P4HTM: variants seen among roughly 807,000 people sequenced by gnomAD.
The protein encoded by P4HTM is prolyl 4-hydroxylase, transmembrane, also known as transmembrane prolyl 4-hydroxylase.
A neutral mutation model predicts 55.3 loss-of-function variants in P4HTM; 33 were observed. The ratio of observed to expected loss-of-function variants is 0.60; its 90% CI spans 0.45 to 0.80. The LOEUF (loss-of-function observed/expected upper bound fraction) is 0.80, where lower values mean the gene tolerates loss of function less well. Ranked by LOEUF, P4HTM falls within the 30% of genes least tolerant of loss-of-function variation. The pLI is 0.00. For missense variants in P4HTM, 542 were observed against 696.5 expected, an observed-to-expected ratio of 0.78 and a Z score of 2.50; for synonymous variants, 272 against 286.4, an observed-to-expected ratio of 0.95 and a Z score of 0.51.
Position 49,001,442 on chromosome 3 carries a change from C to T in P4HTM, c.441C>T (p.Ile147=), listed in dbSNP as rs1332340089. The change falls in exon 3 of 9, where the codon ATC becomes ATT. Residue 147 remains isoleucine (I), a synonymous_variant. Transcript: ENST00000383729. The part of the protein sequence containing the change: ...TLSLKPLLFE[I]PGFLTDEECR... ...ACCCACCTCCTCTTCTGGCAGAAAT[C>T]CCCGGCTTCCTGACTGATGAAGAGT... is the stretch of plus-strand genomic sequence containing the variant. 6.2e-7 allele frequency: 1 copy of T among 1,613,652 alleles called. No homozygotes were observed. The highest frequency in any genetic ancestry group is 8.5e-7 in the Non-Finnish European group (1 of 1,180,030).
At chr3:48,994,781 T>TTTTTGTTTTG (rs200509192) in intron 2 of P4HTM, among the ~76,000 whole-genome samples, 1 of 152,060 alleles carries the variant, frequency 6.6e-6, no homozygotes, top group Non-Finnish European at 1.5e-5. Context: ...TGGCTCTCTC[T>TTTTTGTTTTG]TTTTGTTTTG....
intron 2 of P4HTM, chr3:48,997,122 G>A (rs1365168604): frequency 6.6e-6 from 1 of 152,228 alleles, no homozygotes; most frequent in African/African-American, 2.4e-5. Flanking sequence ...GCAGAAAGAG[G>A]GTTGTATGTG....
In P4HTM at chr3:48,999,805, T is replaced by C. The variant is rs1210582631; in HGVS notation, c.437-1633T>C. The C allele has an allele frequency of 6.6e-6, 1 of 152,328 alleles. No individual in the cohort carries two copies. The highest frequency in any genetic ancestry group is 6.5e-5 in the Admixed American group (1 of 15,282). The allele number at this position is 152,328 out of a possible 1,614,324, so 9.4% of individuals were successfully genotyped here. A position where few individuals can be genotyped will look rare whatever the true frequency, so the allele number is the denominator to read the frequency against. ...CTGGGCCTGTGTTTTCTTTTCTTTT[T>C]CTGGCTTCCTTTTTCTTTCTTTTTA... is the stretch of plus-strand genomic sequence containing the variant. On this transcript the variant is annotated intron_variant, in intron 2 of 8. Coordinates refer to ENST00000383729, the MANE Select transcript of P4HTM (RefSeq NM_177939.3). The surrounding 1 kb of genome is among the most constrained non-coding windows in gnomAD (Gnocchi z 4.8).
At chr3:48,997,743 A>T (rs551174449) in intron 2 of P4HTM, 5 of 152,188 alleles carry the variant, frequency 3.3e-5, no homozygotes, top group African/African-American at 1.2e-4. Context: ...TTGTAAAGGA[A>T]TTTTTTCTTT....
chr3:49,005,980 G>T, intron 7 of P4HTM, 84 bp from the exon 8 acceptor site: 1 of 1,558,924 alleles, frequency 6.4e-7, no homozygotes, highest in South Asian at 1.2e-5. Context: ...GGGCATATCT[G>T]GTTGGTTTCC....
At chr3:49,005,486 T>C in intron 6 of P4HTM, 1 of 1,344,120 alleles carries the variant, frequency 7.4e-7, no homozygotes, top group Non-Finnish European at 9.5e-7. Flanking sequence ...CAGCGCGCCC[T>C]GTTGCTTCTG....
Position 48,990,667 on chromosome 3 carries a change from A to C in P4HTM, c.354+57A>C. ...GCCCTGCACGGCTGAGCCCGAGAGG[A>C]CCGGCGCTCAGCCCGGGTCCCCACG... On this transcript the variant is annotated intron_variant, in intron 1 of 8. Transcript: ENST00000383729. The surrounding 1 kb of genome is among the most constrained non-coding windows in gnomAD (Gnocchi z 7.2). The C allele has an allele frequency of 6.8e-7, 1 of 1,480,548 alleles. No homozygotes were observed. The highest frequency in any genetic ancestry group is 9.0e-7 in the Non-Finnish European group (1 of 1,114,494). The allele number at this position is 1,480,548 out of a possible 1,614,324, so 91.7% of individuals were successfully genotyped here.
chr3:48,998,555 C>A (rs1462568536), intron 2 of P4HTM, among the ~76,000 whole-genome samples: 1 of 152,204 alleles, frequency 6.6e-6, no homozygotes, highest in Non-Finnish European at 1.5e-5. Flanking sequence ...CTCTTCACTC[C>A]CGCCCTCCCA....
intron 2 of P4HTM, among the ~76,000 whole-genome samples, chr3:48,993,284 A>G (rs115375275): frequency 0.012 from 1,767 of 143,968 alleles, 38 homozygotes; most frequent in African/African-American, 0.043. Context: ...CTGGGTAACA[A>G]GAATGAAACT....
chr3:49,006,735 T>C lies in P4HTM; in HGVS notation c.1337T>C (p.Val446Ala), dbSNP rs2092984134. The change falls in exon 9 of 9, where the codon GTC becomes GCC. Residue 446 changes from valine to alanine, a missense_variant. Val to Ala is a moderately conservative substitution (Grantham distance 64). Around this residue, in one of 2 missense-constraint regions of P4HTM, gnomAD observed 536 missense variants for 672.1 expected, o/e 0.80. Coordinates refer to ENST00000383729, the MANE Select transcript of P4HTM (RefSeq NM_177939.3). ...TACTCGCTGCACGGGGGCTGCCTGG[T>C]CACGCGCGGCACCAAGTGGATTGCC... ...DDYSLHGGCL[V>A]TRGTKWIANN... 1 of 1,613,608 alleles carries C rather than the reference T, an allele frequency of 6.2e-7. No homozygotes were observed. Among genetic ancestry groups the C allele is most frequent in the East Asian group, 2.2e-5 (1 of 44,902 alleles).
At chr3:49,004,693 G>C in intron 5 of P4HTM, 168 bp from the exon 6 acceptor site, 1 of 660,412 alleles carries the variant, frequency 1.5e-6, no homozygotes, top group Non-Finnish European at 2.6e-6. Flanking sequence ...GGATCATCAT[G>C]AGTAACCCCC....
chr3:48,990,365 G>T lies in P4HTM; in HGVS notation c.109G>T (p.Gly37Trp). The change falls in exon 1 of 9, where the codon GGG becomes TGG. Residue 37 changes from glycine to tryptophan, a missense_variant. This residue lies in a region of P4HTM where 536 missense variants were observed against 672.1 expected (regional missense o/e 0.80). Transcript: ENST00000383729. This position sits in a 1 kb window ranked among gnomAD's most constrained non-coding sequence, Gnocchi z 7.2. ...CCACTGCCAGGCTCAGGCGGCGGCCGGGCTGGGCGACGGCGAGGACGCACC... is the reference window on the plus strand; with the variant it reads ...CCACTGCCAGGCTCAGGCGGCGGCCTGGCTGGGCGACGGCGAGGACGCACC... ...PDHCQAQAAAGLGDGEDAPVR... is the reference protein window; with the variant it reads ...PDHCQAQAAAWLGDGEDAPVR... The T allele has an allele frequency of 6.3e-7, 1 of 1,575,582 alleles. No homozygotes were observed. Among genetic ancestry groups the T allele is most frequent in the East Asian group, 2.3e-5 (1 of 42,952 alleles).
intron 3 of P4HTM, 75 bp downstream of exon 3, chr3:49,001,703 T>TCCAGCC: frequency 7.5e-7 from 1 of 1,333,406 alleles, no homozygotes; most frequent in African/African-American, 1.4e-5. Flanking sequence ...AGGTCACTTG[T>TCCAGCC]CCAGCCCAGG....
chr3:49,006,722 G>C lies in P4HTM; in HGVS notation c.1324G>C (p.Gly442Arg), dbSNP rs1262834163. Residue 442 changes from glycine to arginine, a missense_variant, in exon 9 of 9, where the codon GGG (glycine) becomes CGG (arginine). Coordinates refer to ENST00000383729, the MANE Select transcript of P4HTM (RefSeq NM_177939.3). ...VGDVDDYSLH[G>R]GCLVTRGTKW... ...TGACGTAGACGACTACTCGCTGCAC[G>C]GGGGCTGCCTGGTCACGCGCGGCAC... 6.2e-7 allele frequency: 1 copy of C among 1,613,684 alleles called. No homozygotes were observed. The highest frequency in any genetic ancestry group is 8.5e-7 in the Non-Finnish European group (1 of 1,180,022).
Position 49,006,733 on chromosome 3 carries a change from G to A in P4HTM, c.1335G>A (p.Leu445=). ...ACTACTCGCTGCACGGGGGCTGCCTGGTCACGCGCGGCACCAAGTGGATTG... is the reference window on the plus strand; with the variant it reads ...ACTACTCGCTGCACGGGGGCTGCCTAGTCACGCGCGGCACCAAGTGGATTG... ...VDDYSLHGGC[L]VTRGTKWIAN... is the part of the protein sequence containing the mutation. Residue 445 remains leucine, a synonymous_variant, in exon 9 of 9, where the codon CTG becomes CTA. Transcript: ENST00000383729. 1 of 1,613,722 alleles carries A rather than the reference G, an allele frequency of 6.2e-7. No individual in the cohort carries two copies. Among genetic ancestry groups the A allele is most frequent in the South Asian group, 1.1e-5 (1 of 91,088 alleles).
Position 49,006,195 on chromosome 3 carries a change from C to T in P4HTM, c.1288+8C>T, listed in dbSNP as rs759545561. 2.5e-6 allele frequency: 4 copies of T among 1,609,384 alleles called. No homozygotes were observed. Among genetic ancestry groups the T allele is most frequent in the Non-Finnish European group, 3.4e-6 (4 of 1,177,506 alleles). ...ACCTGCCTGATGGGCAAGGTGAGGG[C>T]CTATGGCCAGGCCTGGGGGGGGTGC... On this transcript the variant is annotated splice_region_variant and intron_variant, in intron 8 of 8. Coordinates refer to ENST00000383729, the MANE Select transcript of P4HTM (RefSeq NM_177939.3).
At position 49,006,122 on chromosome 3, in the gene P4HTM, AC is replaced by A; in HGVS notation, c.1225del (p.Leu409CysfsTer27). On this transcript the variant is annotated frameshift_variant, in exon 8 of 9. Transcript: ENST00000383729. LOFTEE classifies it high-confidence loss of function. ...ACACGGAGGCACTGTGACAAGGGAA[AC>A]CTGCGTGTCAAGCCCCAACAGGGCA... is the stretch of plus-strand genomic sequence containing the variant. ...RDTRRHCDKG[N>X]LRVKPQQGTA... is the part of the protein sequence containing the mutation. 1 of 1,612,770 alleles carries A rather than the reference AC, an allele frequency of 6.2e-7. No homozygotes were observed. Among genetic ancestry groups the A allele is most frequent in the Non-Finnish European group, 8.5e-7 (1 of 1,179,904 alleles).
chr3:49,003,067 C>T (rs144984145), intron 4 of P4HTM: 51 of 304,036 alleles, frequency 1.7e-4, no homozygotes, highest in African/African-American at 9.3e-4. Flanking sequence ...GGAGTCATGC[C>T]GAAGCGCCTA....
In P4HTM at chr3:49,004,187, G is replaced by A. The variant is rs1224569033; in HGVS notation, c.814G>A (p.Val272Met). ...RSHKAESSEL[V>M]RNSHHTWLYQ... ...CCACAAGGCAGAGTCCAGTGAGCTG[G>A]TGCGGAACAGCCACCATACCTGGCT... Residue 272 changes from valine to methionine, a missense_variant, in exon 5 of 9, where the codon GTG becomes ATG. Val to Met is a conservative substitution (Grantham distance 21). Transcript: ENST00000383729. 7.7e-6 allele frequency: 12 copies of A among 1,549,888 alleles called. No individual in the cohort carries two copies. Among genetic ancestry groups the A allele is most frequent in the Non-Finnish European group, 1.0e-5 (12 of 1,146,968 alleles).
Sources: gnomAD v4.1 joint callset for allele counts (sites outside exome capture counted in the v4.1 genomes callset) on GRCh38, gnomAD v4.1.1 for gene constraint, gnomAD v4.1.1 regional missense constraint, Gnocchi (gnomAD v3.1) non-coding constraint, MANE v1.5 for transcripts, NCBI Gene and HGNC (gene_info 2026-07-23, HGNC 2026-07-21) for gene names.